MED13: variants seen among roughly 807,000 people sequenced by gnomAD.
The protein encoded by MED13 is mediator of RNA polymerase II transcription subunit 13.
MED13 carries 23 observed loss-of-function variants against 225.2 expected under a neutral mutation model. The observed-to-expected ratio is 0.10, with a 90% confidence interval of 0.07 to 0.14. The LOEUF is 0.14. Ranked by LOEUF, MED13 falls within the 10% of genes least tolerant of loss-of-function variation. MED13 has a pLI of 1.00. For missense variants in MED13, 2,197 were observed against 2,594.5 expected (o/e 0.85, Z 3.33); for synonymous variants, 942 against 889.2 (o/e 1.06, Z -1.06).
chr17:61,989,014 CTT>C lies in MED13; in HGVS notation c.2264-1888_2264-1887del, dbSNP rs544084944. Among the ~76,000 whole-genome samples, 911 of 141,608 alleles carry C rather than the reference CTT, an allele frequency of 6.4e-3. 8 individuals are homozygous for C. The highest frequency in any genetic ancestry group is 0.011 in the Non-Finnish European group (716 of 64,692). The allele number at this position is 141,608 out of a possible 152,430, so 92.9% of individuals were successfully genotyped here. ...TTACTTTCTACTTCCATGAATCCAG[CTT>C]TTTTTTTTTTTTTGAGACAGAGTCT... is the stretch of plus-strand genomic sequence containing the variant. On this transcript the variant is annotated intron_variant, in intron 11 of 29. Coordinates refer to ENST00000397786, the MANE Select transcript of MED13 (RefSeq NM_005121.3).
intron 18 of MED13, among the ~76,000 whole-genome samples, chr17:61,967,115 G>T (rs1218410529): frequency 6.6e-6 from 1 of 152,094 alleles, no homozygotes; most frequent in African/African-American, 2.4e-5. Flanking sequence ...CTAGTTCTGT[G>T]AGTCACTGAT....
rs7218724 is a variant in MED13, at chr17:62,034,107, A to C, written c.617-123T>G. ...AAAGAAAAGGAAACCAGTAATAACC[A>C]TTCCAGAGAAAAATCAACTTATTAT... is the stretch of plus-strand genomic sequence containing the variant. On this transcript the variant is annotated intron_variant, in intron 4 of 29. Coordinates refer to ENST00000397786, the MANE Select transcript of MED13 (RefSeq NM_005121.3). 0.17 allele frequency: 126,848 copies of C among 745,020 alleles called. 13,476 individuals carry two copies. Among genetic ancestry groups the C allele is most frequent in the East Asian group, 0.47 (17,409 of 37,066 alleles). The allele number at this position is 745,020 out of a possible 1,614,324, so 46.2% of individuals were successfully genotyped here. A position where few individuals can be genotyped will look rare whatever the true frequency, so the allele number is the denominator to read the frequency against.
At chr17:61,947,190 A>C (rs555259179) in intron 28 of MED13, among the ~76,000 whole-genome samples, 173 bp from the exon 29 acceptor site, 1 of 151,974 alleles carries the variant, frequency 6.6e-6, no homozygotes, top group East Asian at 1.9e-4. Flanking sequence ...TTCATTATAG[A>C]AATGTTTTTT....
In MED13 at chr17:61,965,435, G is replaced by C; in HGVS notation, c.4415C>G (p.Ser1472Cys). Residue 1472 changes from serine to cysteine, a missense_variant, in exon 20 of 30, where the codon TCT (serine) becomes TGT (cysteine). Coordinates refer to ENST00000397786, the MANE Select transcript of MED13 (RefSeq NM_005121.3). ...AACTAAATTTGGCTGGGAAAGTAGA[G>C]AGCTGTCCAATGGCAGGGAAGCAAG... ...PYLASLPLDS[S>C]LLSQPNLVAP... 1.2e-6 allele frequency: 2 copies of C among 1,614,092 alleles called. No individual in the cohort carries two copies. The highest frequency in any genetic ancestry group is 1.7e-6 in the Non-Finnish European group (2 of 1,179,962).
intron 19 of MED13, among the ~76,000 whole-genome samples, chr17:61,965,982 A>G (rs2080054404): frequency 6.6e-6 from 1 of 151,932 alleles, no homozygotes; most frequent in South Asian, 2.1e-4. Flanking sequence ...TTTATAAGCA[A>G]TACAGTTAGG....
At chr17:62,050,393 G>T (rs1222515217) in intron 3 of MED13, among the ~76,000 whole-genome samples, 1 of 150,530 alleles carries the variant, frequency 6.6e-6, no homozygotes, top group African/African-American at 2.4e-5. Context: ...AGAGGGAAAA[G>T]AAGTGTGTGC....
intron 8 of MED13, among the ~76,000 whole-genome samples, chr17:62,025,527 A>G (rs951154490): frequency 2.0e-5 from 3 of 152,122 alleles, no homozygotes; most frequent in African/African-American, 7.2e-5. Context: ...AAAATTAGCC[A>G]GGTATGGTGG....
At chr17:61,999,885 T>C (rs1014795405) in intron 9 of MED13, among the ~76,000 whole-genome samples, 4 of 151,982 alleles carry the variant, frequency 2.6e-5, no homozygotes, top group Non-Finnish European at 4.4e-5. Context: ...AGCGAGATCC[T>C]GTCTAAAATC....
intron 3 of MED13, among the ~76,000 whole-genome samples, chr17:62,047,848 C>T (rs1031701259): frequency 6.6e-6 from 1 of 151,722 alleles, no homozygotes; most frequent in Non-Finnish European, 1.5e-5. Flanking sequence ...CCACCTCGGC[C>T]CCTTAGTGGT....
chr17:61,958,280 G>A (rs181401652), intron 23 of MED13, among the ~76,000 whole-genome samples: 4 of 152,120 alleles, frequency 2.6e-5, no homozygotes, highest in East Asian at 1.9e-4. Context: ...CTATTCTCCC[G>A]CCTCAGCCTC....
In MED13 at chr17:61,965,200, T is replaced by C; in HGVS notation, c.4650A>G (p.Val1550=). Residue 1550 remains valine, a synonymous_variant, in exon 20 of 30, where the codon GTA becomes GTG. Coordinates refer to ENST00000397786, the MANE Select transcript of MED13 (RefSeq NM_005121.3). The part of the protein sequence containing the change: ...SSSSSNLNSG[V]SSNKLPSFPP... Reference sequence around the variant, plus strand: ...GAAACGAAGGTAGTTTATTTGATGATACTCCACTATTCAAGTTGGAGGATG... The same window carrying C: ...GAAACGAAGGTAGTTTATTTGATGACACTCCACTATTCAAGTTGGAGGATG... 1.2e-6 allele frequency: 2 copies of C among 1,614,224 alleles called. No individual in the cohort carries two copies. The highest frequency in any genetic ancestry group is 8.5e-7 in the Non-Finnish European group (1 of 1,180,042).
At chr17:61,996,749 C>T (rs1387266522) in intron 9 of MED13, among the ~76,000 whole-genome samples, 4 of 152,162 alleles carry the variant, frequency 2.6e-5, no homozygotes, top group African/African-American at 9.6e-5. Context: ...TATTTTCCTG[C>T]ATAGCATTTA....
At chr17:61,977,384 T>C (rs933533434) in intron 16 of MED13, among the ~76,000 whole-genome samples, 5 of 152,212 alleles carry the variant, frequency 3.3e-5, no homozygotes, top group Non-Finnish European at 7.3e-5. Flanking sequence ...ATGCAGGAGC[T>C]TGCCACCATT....
At chr17:61,951,524 T>C (rs1486222038) in intron 27 of MED13, among the ~76,000 whole-genome samples, 1 of 151,908 alleles carries the variant, frequency 6.6e-6, no homozygotes, top group Non-Finnish European at 1.5e-5. Flanking sequence ...ATAGATAAAA[T>C]AAAAATAATA....
chr17:62,049,978 T>A (rs1448087242), intron 3 of MED13, among the ~76,000 whole-genome samples: 2 of 150,514 alleles, frequency 1.3e-5, no homozygotes, highest in Non-Finnish European at 2.9e-5. Context: ...ATACTATGGC[T>A]CAGTTACAAA....
At chr17:62,009,594 G>C (rs933491333) in intron 9 of MED13, among the ~76,000 whole-genome samples, 1 of 152,138 alleles carries the variant, frequency 6.6e-6, no homozygotes, top group Non-Finnish European at 1.5e-5. Context: ...AAAATATAGT[G>C]CAACAGCCAT....
At chr17:61,978,105 A>G (rs1440250242) in intron 16 of MED13, among the ~76,000 whole-genome samples, 1 of 151,758 alleles carries the variant, frequency 6.6e-6, no homozygotes, top group Non-Finnish European at 1.5e-5. Flanking sequence ...TGCTGCTGTC[A>G]TTACCACTAC....
intron 11 of MED13, among the ~76,000 whole-genome samples, chr17:61,991,371 G>T (rs560811835): frequency 6.6e-6 from 1 of 151,540 alleles, no homozygotes; most frequent in Admixed American, 6.6e-5. Context: ...CACCTGCCTC[G>T]GCCTTACAGG....
At chr17:62,061,259 T>G (rs1019123602) in intron 2 of MED13, among the ~76,000 whole-genome samples, 11 of 152,030 alleles carry the variant, frequency 7.2e-5, no homozygotes, top group Non-Finnish European at 1.6e-4. Flanking sequence ...GGGCTCACAC[T>G]TGTAATCCCA....
Sources: gnomAD v4.1 joint callset for allele counts (sites outside exome capture counted in the v4.1 genomes callset) on GRCh38, gnomAD v4.1.1 for gene constraint, MANE v1.5 for transcripts, NCBI Gene and HGNC (gene_info 2026-07-23, HGNC 2026-07-21) for gene names.